RIN3: variants seen among roughly 807,000 people sequenced by gnomAD.
RIN3 encodes RAB5 interacting protein 3.
In RIN3, 54 loss-of-function variants were observed where a neutral mutation model predicts 76.3. The ratio of observed to expected loss-of-function variants is 0.71; its 90% CI spans 0.57 to 0.89. The LOEUF (loss-of-function observed/expected upper bound fraction) is 0.89, where lower values mean the gene tolerates loss of function less well. RIN3 is among the 40% of genes least tolerant of loss of function. RIN3 has a pLI of 0.00. For missense variants in RIN3, 1,256 were observed against 1,322.1 expected, an observed-to-expected ratio of 0.95 and a Z score of 0.78; for synonymous variants, 576 against 564.0, an observed-to-expected ratio of 1.02 and a Z score of -0.30.
chr14:92,615,559 C>A, intron 4 of RIN3, 80 bp downstream of exon 4: 1 of 1,209,892 alleles, frequency 8.3e-7, no homozygotes. Flanking sequence ...CAGGGGACTT[C>A]ACAGGGAAGC....
In RIN3 at chr14:92,514,951, G is replaced by A. The variant is rs920345145; in HGVS notation, c.44+975G>A. Among the ~76,000 whole-genome samples, 8 of 152,198 alleles carry A rather than the reference G, an allele frequency of 5.3e-5. No homozygotes were observed. On this transcript the variant is annotated intron_variant, in intron 1 of 9. Coordinates refer to ENST00000216487, the MANE Select transcript of RIN3 (RefSeq NM_024832.5). This position sits in a 1 kb window ranked among gnomAD's most constrained non-coding sequence, Gnocchi z 7.2. ...GGCCTACTTCTCTGATGGACACCCT[G>A]CCGCTCCCTGGCTTGGCAGTGGGAC...
At chr14:92,548,383 C>CT (rs1411171182) in intron 1 of RIN3, among the ~76,000 whole-genome samples, 2 of 152,164 alleles carry the variant, frequency 1.3e-5, no homozygotes, top group African/African-American at 2.4e-5. Flanking sequence ...GTGTCTTCAC[C>CT]TTTACATGAG....
chr14:92,616,842 ATGTT>A (rs1214326226), intron 4 of RIN3, among the ~76,000 whole-genome samples: 2 of 152,198 alleles, frequency 1.3e-5, no homozygotes, highest in Non-Finnish European at 2.9e-5. Context: ...GCTGTCAAGA[ATGTT>A]TGTTACAGAG....
chr14:92,629,580 G>A (rs1886488729), intron 4 of RIN3, among the ~76,000 whole-genome samples: 2 of 152,246 alleles, frequency 1.3e-5, no homozygotes, highest in Admixed American at 1.3e-4. Flanking sequence ...TAGCTGAAGT[G>A]CGAACTGGCC....
intron 1 of RIN3, among the ~76,000 whole-genome samples, chr14:92,553,085 C>T (rs1015609997): frequency 6.7e-6 from 1 of 149,912 alleles, no homozygotes; most frequent in African/African-American, 2.5e-5. Flanking sequence ...GGCCACCCAG[C>T]AAATGGAGAA....
At chr14:92,678,268 A>G (rs1421142216) in intron 8 of RIN3, among the ~76,000 whole-genome samples, 1 of 147,944 alleles carries the variant, frequency 6.8e-6, no homozygotes, top group East Asian at 2.0e-4. Flanking sequence ...CCACCCATCC[A>G]TCCGTCCACT....
intron 4 of RIN3, chr14:92,615,684 C>G (rs1885931785): frequency 3.5e-6 from 2 of 568,004 alleles, no homozygotes. Flanking sequence ...AAGAGCCCCT[C>G]CCTTCCACAC....
chr14:92,557,752 C>A (rs970809774), intron 2 of RIN3, among the ~76,000 whole-genome samples: 1 of 152,204 alleles, frequency 6.6e-6, no homozygotes, highest in African/African-American at 2.4e-5. Context: ...GGGTCTCCTG[C>A]CAGTGGGTGT....
chr14:92,533,764 A>G (rs55999723), intron 1 of RIN3, among the ~76,000 whole-genome samples: 3,205 of 152,304 alleles, frequency 0.021, 116 homozygotes, highest in African/African-American at 0.074. Context: ...AATTGGGTAC[A>G]GCGTATACTG....
chr14:92,534,909 T>G (rs1468218963), intron 1 of RIN3, among the ~76,000 whole-genome samples: 1 of 152,210 alleles, frequency 6.6e-6, no homozygotes, highest in Non-Finnish European at 1.5e-5. Context: ...TTGTAAAATT[T>G]GGAGTGTACA....
At chr14:92,518,788 C>CGTGTGTGTGT (rs1896513720) in intron 1 of RIN3, among the ~76,000 whole-genome samples, 1 of 32,864 alleles carries the variant, frequency 3.0e-5, no homozygotes, top group Admixed American at 2.6e-4. Flanking sequence ...ATAAGGGTGG[C>CGTGTGTGTGT]CTGTGTGTGT....
chr14:92,565,583 AG>A (rs1288727582), intron 2 of RIN3, among the ~76,000 whole-genome samples: 2 of 152,142 alleles, frequency 1.3e-5, no homozygotes, highest in Non-Finnish European at 2.9e-5. Flanking sequence ...CATTTCCTGG[AG>A]CTAAGGGTTT....
At chr14:92,604,253 G>A (rs913892974) in intron 3 of RIN3, among the ~76,000 whole-genome samples, 4 of 152,212 alleles carry the variant, frequency 2.6e-5, no homozygotes, top group Non-Finnish European at 5.9e-5. Context: ...CCCCAGCTGG[G>A]AACCAGTCCC....
At chr14:92,591,531 G>C (rs1256268366) in intron 3 of RIN3, among the ~76,000 whole-genome samples, 1 of 151,830 alleles carries the variant, frequency 6.6e-6, no homozygotes, top group Non-Finnish European at 1.5e-5. Context: ...ACTAACCTAG[G>C]CATACCATTT....
intron 7 of RIN3, among the ~76,000 whole-genome samples, chr14:92,674,553 G>A (rs571422294): frequency 1.3e-5 from 2 of 152,098 alleles, no homozygotes; most frequent in South Asian, 2.1e-4. Flanking sequence ...CAAGTGAGCT[G>A]AGATTAAACC....
intron 7 of RIN3, among the ~76,000 whole-genome samples, chr14:92,659,902 C>G (rs917147711): frequency 1.3e-5 from 2 of 152,168 alleles, no homozygotes; most frequent in Non-Finnish European, 2.9e-5. Context: ...CTGTTCCTTC[C>G]GAGCTTCTGG....
chr14:92,585,958 G>A (rs1037597940), intron 3 of RIN3, among the ~76,000 whole-genome samples: 1 of 152,236 alleles, frequency 6.6e-6, no homozygotes. Context: ...TCTTGTTAAT[G>A]CAAACTTCTT....
intron 1 of RIN3, among the ~76,000 whole-genome samples, chr14:92,523,659 A>T (rs965460448): frequency 8.6e-5 from 13 of 151,610 alleles, no homozygotes; most frequent in African/African-American, 2.9e-4. Flanking sequence ...GATTGCAAAC[A>T]TTTTTTTTTC....
At chr14:92,551,372 C>T (rs1480373055) in intron 1 of RIN3, among the ~76,000 whole-genome samples, 1 of 152,122 alleles carries the variant, frequency 6.6e-6, no homozygotes, top group Non-Finnish European at 1.5e-5. Flanking sequence ...ACACTGGAAC[C>T]AGGTGGTATT....
Sources: gnomAD v4.1 joint callset for allele counts (sites outside exome capture counted in the v4.1 genomes callset) on GRCh38, gnomAD v4.1.1 for gene constraint, Gnocchi (gnomAD v3.1) non-coding constraint, MANE v1.5 for transcripts, NCBI Gene and HGNC (gene_info 2026-07-23, HGNC 2026-07-21) for gene names.